GLCCI1: variants seen among roughly 807,000 people sequenced by gnomAD.
GLCCI1 encodes the protein glucocorticoid-induced transcript 1 protein.
A neutral mutation model predicts 52.2 loss-of-function variants in GLCCI1; 24 were observed. That is an observed-to-expected ratio of 0.46 (90% confidence interval 0.33 to 0.65). GLCCI1 has a LOEUF of 0.65. Among genes scored for constraint, GLCCI1 ranks in the 30% least tolerant of loss-of-function variants. The pLI, the probability that GLCCI1 is intolerant of heterozygous loss-of-function variation, is 0.02. For synonymous variants in GLCCI1, 310 were observed against 276.5 expected, an observed-to-expected ratio of 1.12 and a Z score of -1.20; for missense variants, 704 against 701.5, an observed-to-expected ratio of 1.00 and a Z score of -0.04.
chr7:8,057,239 C>G (rs902066514), intron 4 of GLCCI1, among the ~76,000 whole-genome samples: 1 of 151,858 alleles, frequency 6.6e-6, no homozygotes, highest in African/African-American at 2.4e-5. Context: ...CACACAAACA[C>G]TTGTACATGA....
At chr7:7,972,694 T>C (rs936815759) in intron 1 of GLCCI1, among the ~76,000 whole-genome samples, 6 of 152,186 alleles carry the variant, frequency 3.9e-5, no homozygotes, top group Admixed American at 3.3e-4. Flanking sequence ...AGAATTGATA[T>C]TCAGATTGTT....
In GLCCI1 at chr7:8,046,204, A is replaced by G. The variant is rs139543462; in HGVS notation, c.697-9229A>G. ...AAAGTTAGGATGAATCAAGTCACGT[A>G]GAACATAGAACAAAGAGGTAAAGAG... On this transcript the variant is annotated intron_variant, in intron 3 of 7. Transcript: ENST00000223145. Among the ~76,000 whole-genome samples, 84 of 152,298 alleles carry G rather than the reference A, an allele frequency of 5.5e-4. 2 individuals are homozygous for G. The East Asian group carries it at 0.012, about 21-fold the overall frequency.
At chr7:7,972,479 A>C (rs1339380710) in intron 1 of GLCCI1, among the ~76,000 whole-genome samples, 1 of 152,200 alleles carries the variant, frequency 6.6e-6, no homozygotes, top group Admixed American at 6.5e-5. Flanking sequence ...ATTTCGACTA[A>C]AGGTGACATA....
At chr7:8,002,589 T>C (rs932282780) in intron 1 of GLCCI1, among the ~76,000 whole-genome samples, 11 of 152,212 alleles carry the variant, frequency 7.2e-5, no homozygotes, top group African/African-American at 2.7e-4. Flanking sequence ...ATGCATTTTC[T>C]TCTGTTTTTC....
At chr7:8,013,429 A>G (rs914872689) in intron 2 of GLCCI1, among the ~76,000 whole-genome samples, 3 of 152,288 alleles carry the variant, frequency 2.0e-5, no homozygotes, top group East Asian at 1.9e-4. Context: ...ATGCTATACT[A>G]TATACCATTA....
intron 1 of GLCCI1, among the ~76,000 whole-genome samples, chr7:7,997,836 A>G (rs1474704128): frequency 6.6e-6 from 1 of 152,072 alleles, no homozygotes; most frequent in Non-Finnish European, 1.5e-5. Context: ...CTGAGACATG[A>G]GAATTACTTG....
At chr7:8,021,193 TA>T (rs1162041350) in intron 2 of GLCCI1, among the ~76,000 whole-genome samples, 3 of 152,210 alleles carry the variant, frequency 2.0e-5, no homozygotes, top group Non-Finnish European at 4.4e-5. Flanking sequence ...AACTGTAAAA[TA>T]GAACTGATGA....
At chr7:7,997,490 G>GAA (rs1310305484) in intron 1 of GLCCI1, among the ~76,000 whole-genome samples, 1 of 152,088 alleles carries the variant, frequency 6.6e-6, no homozygotes. Flanking sequence ...TGAAGTTTAA[G>GAA]AAAAGCAACT....
At chr7:7,974,933 C>T (rs965881729) in intron 1 of GLCCI1, among the ~76,000 whole-genome samples, 1 of 152,148 alleles carries the variant, frequency 6.6e-6, no homozygotes, top group Non-Finnish European at 1.5e-5. Flanking sequence ...ATCACTGACA[C>T]TCTTTTTGTG....
In GLCCI1 at chr7:7,969,582, C is replaced by G; in HGVS notation, c.232C>G (p.His78Asp). Residue 78 changes from histidine (H) to aspartate (D), a missense_variant, in exon 1 of 8, where the codon CAC becomes GAC. This residue lies in a region of GLCCI1 where 547 missense variants were observed against 524.8 expected (regional missense o/e 1.04). Coordinates refer to ENST00000223145, the MANE Select transcript of GLCCI1 (RefSeq NM_138426.4). This position sits in a 1 kb window ranked among gnomAD's most constrained non-coding sequence, Gnocchi z 4.9. ...VPYQLLRGSQ[H>D]SPTRPPVAAA... ...CTACCAGCTCTTGCGGGGCAGCCAGCACAGTCCCACGCGTCCGCCCGTCGC... is the reference window on the plus strand; with the variant it reads ...CTACCAGCTCTTGCGGGGCAGCCAGGACAGTCCCACGCGTCCGCCCGTCGC... 1 of 1,036,134 alleles carries G rather than the reference C, an allele frequency of 9.7e-7. No individual in the cohort carries two copies. Among genetic ancestry groups the G allele is most frequent in the Non-Finnish European group, 1.2e-6 (1 of 863,632 alleles). The allele number at this position is 1,036,134 out of a possible 1,614,324, so 64.2% of individuals were successfully genotyped here.
chr7:8,037,328 C>A (rs1261740423), intron 3 of GLCCI1, among the ~76,000 whole-genome samples: 1 of 152,100 alleles, frequency 6.6e-6, no homozygotes, highest in Non-Finnish European at 1.5e-5. Flanking sequence ...AATAGTATTT[C>A]CCAGACACGT....
In GLCCI1 at chr7:8,088,133, T is replaced by TG. The variant is rs967587695; in HGVS notation, c.*1598dup. On this transcript the variant is annotated 3_prime_UTR_variant, in exon 8 of 8. Coordinates refer to ENST00000223145, the MANE Select transcript of GLCCI1 (RefSeq NM_138426.4). ...CGTTTCAGTTCCTTTCATTCATTCCTGGGTTTTTCTTTTATTTTCTAAGAA... is the reference window on the plus strand; with the variant it reads ...CGTTTCAGTTCCTTTCATTCATTCCTGGGGTTTTTCTTTTATTTTCTAAGAA... 1 of 152,228 alleles carries TG rather than the reference T, an allele frequency of 6.6e-6. No individual in the cohort carries two copies. Among genetic ancestry groups the TG allele is most frequent in the Admixed American group, 6.5e-5 (1 of 15,268 alleles). The allele number at this position is 152,228 out of a possible 1,614,324, so 9.4% of individuals were successfully genotyped here.
intron 6 of GLCCI1, among the ~76,000 whole-genome samples, chr7:8,075,619 A>T (rs1473790776): frequency 2.0e-5 from 3 of 152,228 alleles, no homozygotes; most frequent in Non-Finnish European, 4.4e-5. Flanking sequence ...TAAGCCACAA[A>T]ATGTAGACTT....
intron 2 of GLCCI1, among the ~76,000 whole-genome samples, chr7:8,009,644 G>A (rs541437382): frequency 6.6e-6 from 1 of 152,232 alleles, no homozygotes; most frequent in East Asian, 1.9e-4. Flanking sequence ...CTGTCCATCT[G>A]GGTCACTGAC....
chr7:7,969,281 C>A lies in GLCCI1; in HGVS notation c.-70C>A. ...TCGCACGCACTATCGCGCCGGCTCCCACACGCTCGCGCGCCTCCCGCCCCG... is the reference window on the plus strand; with the variant it reads ...TCGCACGCACTATCGCGCCGGCTCCAACACGCTCGCGCGCCTCCCGCCCCG... On this transcript the variant is annotated 5_prime_UTR_variant, in exon 1 of 8. Transcript: ENST00000223145. The surrounding 1 kb of genome is among the most constrained non-coding windows in gnomAD (Gnocchi z 4.9). 1 of 1,316,318 alleles carries A rather than the reference C, an allele frequency of 7.6e-7. No individual in the cohort carries two copies. The highest frequency in any genetic ancestry group is 9.8e-7 in the Non-Finnish European group (1 of 1,021,494). 81.5% of individuals were successfully genotyped at this position (1,316,318 alleles called of 1,614,324 possible). A position where few individuals can be genotyped will look rare whatever the true frequency, so the allele number is the denominator to read the frequency against.
chr7:8,054,054 T>C (rs2127958623), intron 3 of GLCCI1, among the ~76,000 whole-genome samples: 1 of 152,288 alleles, frequency 6.6e-6, no homozygotes, highest in East Asian at 1.9e-4. Context: ...TTTAAATATT[T>C]TTTTAAATGA....
Position 8,079,996 on chromosome 7 carries a change from A to G in GLCCI1, c.1178-4901A>G, listed in dbSNP as rs568165567. On this transcript the variant is annotated intron_variant, in intron 6 of 7. Coordinates refer to ENST00000223145, the MANE Select transcript of GLCCI1 (RefSeq NM_138426.4). ...AAGGTGTTAACTTTGAATTTTAGAA[A>G]AACCTTAGAGGCTCTTTGTAAAAGC... Among the ~76,000 whole-genome samples the G allele has an allele frequency of 2.0e-5, 3 of 151,626 alleles. No homozygotes were observed. The East Asian group carries it at 5.8e-4, about 29-fold the overall frequency.
At position 8,087,986 on chromosome 7, in the gene GLCCI1, C is replaced by G. The variant is rs1156884880; in HGVS notation, c.*1448C>G. ...CTTCAGTACAAAGAGTATCCAAAAGCTAAGTTTTTGTATTCCACTACTTTC... is the reference window on the plus strand; with the variant it reads ...CTTCAGTACAAAGAGTATCCAAAAGGTAAGTTTTTGTATTCCACTACTTTC... On this transcript the variant is annotated 3_prime_UTR_variant, in exon 8 of 8. Coordinates refer to ENST00000223145, the MANE Select transcript of GLCCI1 (RefSeq NM_138426.4). 1.3e-5 allele frequency: 2 copies of G among 152,210 alleles called. No homozygotes were observed. The highest frequency in any genetic ancestry group is 4.8e-5 in the African/African-American group (2 of 41,406). The allele number at this position is 152,210 out of a possible 1,614,324, so 9.4% of individuals were successfully genotyped here.
chr7:8,066,799 A>G (rs370502435), intron 5 of GLCCI1, among the ~76,000 whole-genome samples: 2 of 151,950 alleles, frequency 1.3e-5, no homozygotes, highest in African/African-American at 4.8e-5. Context: ...TTTTATGTCC[A>G]TTCGTGTGGT....
Sources: allele counts gnomAD v4.1 joint callset (sites outside exome capture counted in the v4.1 genomes callset), GRCh38; gene constraint gnomAD v4.1.1; regional missense constraint gnomAD v4.1.1; non-coding constraint Gnocchi (gnomAD v3.1); transcripts MANE v1.5; gene names NCBI Gene and HGNC (gene_info 2026-07-23, HGNC 2026-07-21).